OR1J2: variants seen among roughly 807,000 people sequenced by gnomAD.
OR1J2 encodes olfactory receptor family 1 subfamily J member 2, also known as olfactory receptor 1J2.
For synonymous variants in OR1J2, 142 were observed against 99.7 expected, an observed-to-expected ratio of 1.42 and a Z score of -2.52; for missense variants, 304 against 246.1, an observed-to-expected ratio of 1.24 and a Z score of -1.57.
the OR1J2 span, among the ~76,000 whole-genome samples, chr9:122,486,895 A>G: frequency 6.6e-6 from 1 of 152,214 alleles, no homozygotes; most frequent in African/African-American, 2.4e-5. Context: ...TGGAATCTGT[A>G]ATTTCTTAAA....
At chr9:122,552,714 T>A in the OR1J2 span, among the ~76,000 whole-genome samples, 1,198 of 150,750 alleles carry the variant, frequency 7.9e-3, 12 homozygotes, top group Non-Finnish European at 0.014. Flanking sequence ...TATCTTGTCT[T>A]AAAAGTCAAT....
At chr9:122,554,029 G>A in the OR1J2 span, 2 of 1,613,672 alleles carry the variant, frequency 1.2e-6, no homozygotes, top group East Asian at 2.2e-5. Context: ...TCTACAGAGA[G>A]GGAAAGTAGG....
At chr9:122,483,023 C>G in the OR1J2 span, among the ~76,000 whole-genome samples, 2 of 151,976 alleles carry the variant, frequency 1.3e-5, no homozygotes, top group Non-Finnish European at 2.9e-5. Flanking sequence ...GTTTTCTTCA[C>G]TAAGAAATGA....
downstream of OR1J2, among the ~76,000 whole-genome samples, chr9:122,516,342 C>T (rs1466695160): frequency 5.7e-5 from 7 of 122,046 alleles, no homozygotes; most frequent in Non-Finnish European, 7.8e-5. Flanking sequence ...CTCGCTCTGT[C>T]GCCCAGGCTG....
the OR1J2 span, among the ~76,000 whole-genome samples, chr9:122,554,938 C>A: frequency 7.9e-5 from 12 of 152,090 alleles, no homozygotes; most frequent in Admixed American, 4.6e-4. Flanking sequence ...ATAAATCAAG[C>A]ATGCTGGAAA....
the OR1J2 span, among the ~76,000 whole-genome samples, chr9:122,458,168 G>C: frequency 6.6e-6 from 1 of 152,078 alleles, no homozygotes; most frequent in Non-Finnish European, 1.5e-5. Flanking sequence ...AGTGCTTTTA[G>C]TGTCCACAAT....
the OR1J2 span, chr9:122,568,187 C>T: frequency 9.9e-6 from 16 of 1,614,082 alleles, no homozygotes; most frequent in Admixed American, 1.7e-5. Context: ...GTGTCAGACA[C>T]CCAGCATAGG....
the OR1J2 span, among the ~76,000 whole-genome samples, chr9:122,480,149 T>C: frequency 6.6e-6 from 1 of 152,148 alleles, no homozygotes; most frequent in Non-Finnish European, 1.5e-5. Context: ...ATATCACAGC[T>C]TGTTACAAAT....
chr9:122,489,639 G>A, the OR1J2 span, among the ~76,000 whole-genome samples: 3 of 152,232 alleles, frequency 2.0e-5, no homozygotes, highest in Admixed American at 6.5e-5. Context: ...GGAATAGATT[G>A]AAATAGAGAT....
the OR1J2 span, among the ~76,000 whole-genome samples, chr9:122,552,039 A>ACTCTCTCTCTCTCTCC: frequency 1.1e-5 from 1 of 89,386 alleles, no homozygotes; most frequent in Admixed American, 1.2e-4. Context: ...GGACACATAC[A>ACTCTCTCTCTCTCTCC]CACACACACA....
chr9:122,562,595 G>C, the OR1J2 span, among the ~76,000 whole-genome samples: 1 of 151,636 alleles, frequency 6.6e-6, no homozygotes, highest in African/African-American at 2.4e-5. Flanking sequence ...TCTCAGGTGG[G>C]CTGCCACACC....
the OR1J2 span, among the ~76,000 whole-genome samples, chr9:122,493,598 C>T: frequency 6.6e-6 from 1 of 152,058 alleles, no homozygotes; most frequent in Non-Finnish European, 1.5e-5. Context: ...CTCTTCTTTT[C>T]TTGGTTAATC....
the OR1J2 span, chr9:122,554,228 T>C: frequency 8.1e-7 from 1 of 1,230,826 alleles, no homozygotes; most frequent in Non-Finnish European, 1.2e-6. Context: ...ACTTCAGTAA[T>C]TCTACTACTG....
the OR1J2 span, among the ~76,000 whole-genome samples, chr9:122,552,309 G>T: frequency 6.6e-6 from 1 of 152,070 alleles, no homozygotes. Flanking sequence ...AAACAGACTG[G>T]TTATTTTCAA....
chr9:122,562,276 T>C, the OR1J2 span, among the ~76,000 whole-genome samples: 5 of 152,342 alleles, frequency 3.3e-5, no homozygotes, highest in East Asian at 9.6e-4. Flanking sequence ...GCAGTCCCAG[T>C]GTTGGCTGCT....
At chr9:122,579,026 A>T in the OR1J2 span, among the ~76,000 whole-genome samples, 1 of 151,432 alleles carries the variant, frequency 6.6e-6, no homozygotes. Flanking sequence ...TTCCCCAAAA[A>T]CCTACTGAAA....
the OR1J2 span, among the ~76,000 whole-genome samples, chr9:122,542,684 T>G: frequency 1.3e-5 from 2 of 152,188 alleles, no homozygotes; most frequent in African/African-American, 4.8e-5. Context: ...TATTGGGGTA[T>G]TATTTACATA....
chr9:122,535,571 T>C, the OR1J2 span, among the ~76,000 whole-genome samples: 3 of 151,224 alleles, frequency 2.0e-5, no homozygotes, highest in Non-Finnish European at 4.4e-5. Flanking sequence ...GTGAGTGAGG[T>C]TGGAGAAGAG....
At chr9:122,458,177 A>C in the OR1J2 span, among the ~76,000 whole-genome samples, 18 of 152,192 alleles carry the variant, frequency 1.2e-4, no homozygotes, top group Non-Finnish European at 2.5e-4. Flanking sequence ...AGTGTCCACA[A>C]TTTGTAGTTA....
Sources: gnomAD v4.1 joint callset for allele counts (sites outside exome capture counted in the v4.1 genomes callset) on GRCh38, gnomAD v4.1.1 for gene constraint, MANE v1.5 for transcripts, NCBI Gene and HGNC (gene_info 2026-07-23, HGNC 2026-07-21) for gene names.